The following STPG2 variants were observed in gnomAD, a reference collection of about 807,000 sequenced individuals.
STPG2 encodes the protein sperm-tail PG-rich repeat-containing protein 2.
In STPG2, 56 loss-of-function variants were observed where a neutral mutation model predicts 54.2. The ratio of observed to expected loss-of-function variants is 1.03; its 90% CI spans 0.83 to 1.29. STPG2 has a LOEUF of 1.29. STPG2 is among the 50% of genes most tolerant of loss of function. The probability of loss-of-function intolerance (pLI) is 0.00; values close to 1 mark genes in which losing one functional copy is unlikely to be tolerated. For synonymous variants in STPG2, 200 were observed against 181.8 expected, an observed-to-expected ratio of 1.10 and a Z score of -0.81; for missense variants, 596 against 544.9, an observed-to-expected ratio of 1.09 and a Z score of -0.93.
chr4:98,113,842 A>C (rs913102470), intron 3 of STPG2, among the ~76,000 whole-genome samples: 6 of 152,170 alleles, frequency 3.9e-5, no homozygotes, highest in African/African-American at 1.2e-4. Context: ...ACTACTTTGG[A>C]ATTCCTAAGT....
At chr4:97,444,234 T>G (rs1729161797) in intron 4 of STPG2, among the ~76,000 whole-genome samples, 1 of 152,054 alleles carries the variant, frequency 6.6e-6, no homozygotes, top group South Asian at 2.1e-4. Flanking sequence ...AAGCAATATT[T>G]GAAAAGATAA....
chr4:97,486,827 GTGTATATA>G (rs1560629258), intron 4 of STPG2, among the ~76,000 whole-genome samples: 1 of 130,872 alleles, frequency 7.6e-6, no homozygotes, highest in Non-Finnish European at 1.6e-5. Flanking sequence ...GTGTGTGTGT[GTGTATATA>G]TATATATATA....
intron 10 of STPG2, among the ~76,000 whole-genome samples, chr4:97,617,687 CT>C (rs1455377415): frequency 6.6e-6 from 1 of 152,084 alleles, no homozygotes; most frequent in East Asian, 1.9e-4. Context: ...ATTCCTTTCC[CT>C]TTTCTGAGCA....
intron 6 of STPG2, among the ~76,000 whole-genome samples, chr4:97,975,152 A>G (rs1376467867): frequency 6.6e-6 from 1 of 152,224 alleles, no homozygotes; most frequent in Non-Finnish European, 1.5e-5. Flanking sequence ...TTAACTGCAA[A>G]GGAACATGAA....
chr4:97,521,040 G>A (rs115790166), intron 4 of STPG2, among the ~76,000 whole-genome samples: 3,256 of 151,980 alleles, frequency 0.021, 72 homozygotes, highest in African/African-American at 0.059. Flanking sequence ...TTTTTTAAAT[G>A]TTCCACATGT....
chr4:97,451,143 C>T (rs561137463), intron 4 of STPG2, among the ~76,000 whole-genome samples: 2 of 152,148 alleles, frequency 1.3e-5, no homozygotes, highest in African/African-American at 4.8e-5. Flanking sequence ...TACGAACTCT[C>T]AAATTCATAG....
chr4:97,648,650 T>G (rs2148951420), intron 10 of STPG2, among the ~76,000 whole-genome samples: 1 of 152,222 alleles, frequency 6.6e-6, no homozygotes, highest in South Asian at 2.1e-4. Context: ...GACACATAAT[T>G]TATGTTTTCT....
chr4:97,448,871 C>T (rs895532749), intron 4 of STPG2, among the ~76,000 whole-genome samples: 1 of 151,760 alleles, frequency 6.6e-6, no homozygotes, highest in Non-Finnish European at 1.5e-5. Flanking sequence ...GAACAGTATG[C>T]CTTAAAAATG....
At chr4:98,087,821 A>G (rs1048243670) in intron 5 of STPG2, among the ~76,000 whole-genome samples, 1 of 152,090 alleles carries the variant, frequency 6.6e-6, no homozygotes, top group Non-Finnish European at 1.5e-5. Context: ...CGGCCTCCCA[A>G]AGTGCTGGGA....
At chr4:97,489,392 C>G (rs1042453173) in intron 4 of STPG2, among the ~76,000 whole-genome samples, 8 of 151,728 alleles carry the variant, frequency 5.3e-5, no homozygotes, top group Non-Finnish European at 1.2e-4. Context: ...CTTACAATAA[C>G]AGCAGCCAGA....
intron 10 of STPG2, among the ~76,000 whole-genome samples, chr4:97,634,696 G>C (rs1721443366): frequency 6.6e-6 from 1 of 152,034 alleles, no homozygotes; most frequent in Admixed American, 6.6e-5. Flanking sequence ...GAAGAATGCA[G>C]AAGCCTCAGG....
At position 97,944,206 on chromosome 4, in the gene STPG2, A is replaced by G. The variant is rs560754943; in HGVS notation, c.934-199T>C. On this transcript the variant is annotated intron_variant, in intron 7 of 10. Coordinates refer to ENST00000295268, the MANE Select transcript of STPG2 (RefSeq NM_174952.3). ...GTCAATGAGATATTAAAATGGAAAA[A>G]GAATTGATTATATGAACCTCTAGGT... Among the ~76,000 whole-genome samples the G allele has an allele frequency of 6.6e-5, 10 of 152,268 alleles. No homozygotes were observed. The East Asian group carries it at 1.7e-3, about 26-fold the overall frequency.
At chr4:97,552,691 C>T (rs1235226055) in intron 4 of STPG2, among the ~76,000 whole-genome samples, 1 of 151,948 alleles carries the variant, frequency 6.6e-6, no homozygotes, top group Non-Finnish European at 1.5e-5. Context: ...TCCAAGAAAA[C>T]TATACACTGA....
At chr4:98,054,005 T>C (rs941699503) in intron 5 of STPG2, among the ~76,000 whole-genome samples, 1 of 152,186 alleles carries the variant, frequency 6.6e-6, no homozygotes, top group Non-Finnish European at 1.5e-5. Flanking sequence ...ATCTGGTTTA[T>C]CCTGAAGCCT....
chr4:98,060,696 T>C (rs866801622), intron 5 of STPG2, among the ~76,000 whole-genome samples: 7 of 152,110 alleles, frequency 4.6e-5, no homozygotes, highest in Admixed American at 1.3e-4. Context: ...CAAAACAGCA[T>C]GGCACTGGTA....
At chr4:98,087,097 G>C (rs1026746129) in intron 5 of STPG2, among the ~76,000 whole-genome samples, 1 of 152,102 alleles carries the variant, frequency 6.6e-6, no homozygotes, top group Non-Finnish European at 1.5e-5. Flanking sequence ...AGACACATAA[G>C]AGCGTTTTAT....
At chr4:97,697,545 T>G (rs565630145) in intron 10 of STPG2, among the ~76,000 whole-genome samples, 2 of 152,332 alleles carry the variant, frequency 1.3e-5, no homozygotes, top group South Asian at 4.1e-4. Flanking sequence ...TCCTGATTCC[T>G]GCGAGAAGTA....
intron 4 of STPG2, among the ~76,000 whole-genome samples, chr4:97,527,351 T>G (rs940730848): frequency 6.6e-6 from 1 of 152,196 alleles, no homozygotes; most frequent in Non-Finnish European, 1.5e-5. Flanking sequence ...TATACCTGCA[T>G]AGTATTCCAT....
intron 5 of STPG2, among the ~76,000 whole-genome samples, chr4:98,066,902 C>A (rs1257404182): frequency 1.7e-4 from 26 of 152,042 alleles, no homozygotes; most frequent in Admixed American, 1.4e-3. Context: ...AGTTATGGTT[C>A]TTTTTATTAA....
Sources: allele counts gnomAD v4.1 joint callset (sites outside exome capture counted in the v4.1 genomes callset), GRCh38; gene constraint gnomAD v4.1.1; transcripts MANE v1.5; gene names NCBI Gene and HGNC (gene_info 2026-07-23, HGNC 2026-07-21).